Variants in GALNTL5 observed in about 807,000 individuals in gnomAD.
The protein encoded by GALNTL5 is polypeptide N-acetylgalactosaminyltransferase like 5.
GALNTL5 carries 44 observed loss-of-function variants against 51.0 expected under a neutral mutation model. That is an observed-to-expected ratio of 0.86 (90% CI 0.68 to 1.11). GALNTL5 has a LOEUF of 1.11. GALNTL5 is among the 50% of genes least tolerant of loss of function. GALNTL5 has a pLI of 0.00. For synonymous variants in GALNTL5, 192 were observed against 182.8 expected, an observed-to-expected ratio of 1.05 and a Z score of -0.41; for missense variants, 528 against 531.8, an observed-to-expected ratio of 0.99 and a Z score of 0.07.
chr7:151,965,754 G>A (rs2081051939), intron 1 of GALNTL5, among the ~76,000 whole-genome samples: 1 of 152,066 alleles, frequency 6.6e-6, no homozygotes, highest in Non-Finnish European at 1.5e-5. Flanking sequence ...ACGCGTGGTG[G>A]CATGTGCCTG....
intron 3 of GALNTL5, among the ~76,000 whole-genome samples, chr7:151,971,515 C>T (rs930304351): frequency 1.3e-5 from 2 of 152,018 alleles, no homozygotes; most frequent in Non-Finnish European, 2.9e-5. Context: ...TGATAAAATA[C>T]ACATAACATA....
At chr7:151,981,165 T>C (rs1006960481) in intron 3 of GALNTL5, among the ~76,000 whole-genome samples, 4 of 152,150 alleles carry the variant, frequency 2.6e-5, no homozygotes, top group African/African-American at 9.7e-5. Context: ...TTGGAAAAGG[T>C]AAAGTCCCAC....
chr7:151,980,737 A>ATTTTTTT (rs61288964), intron 3 of GALNTL5, among the ~76,000 whole-genome samples: 1 of 98,958 alleles, frequency 1.0e-5, no homozygotes, highest in Non-Finnish European at 1.8e-5. Flanking sequence ...GCTAACAATG[A>ATTTTTTT]TTTTTTTTTT....
At chr7:152,017,330 T>C (rs1339965841) in intron 8 of GALNTL5, among the ~76,000 whole-genome samples, 1 of 152,254 alleles carries the variant, frequency 6.6e-6, no homozygotes, top group East Asian at 1.9e-4. Flanking sequence ...TCTAAACATA[T>C]CTAAATAAAA....
At position 152,016,775 on chromosome 7, in the gene GALNTL5, T is replaced by G. The variant is rs564468792; in HGVS notation, c.1176+1982T>G. Among the ~76,000 whole-genome samples, 6 of 152,154 alleles carry G rather than the reference T, an allele frequency of 3.9e-5. No homozygotes were observed. In the South Asian group the frequency reaches 1.0e-3, roughly 26 times the overall value. On this transcript the variant is annotated intron_variant, in intron 8 of 8. Transcript: ENST00000392800. ...CTGGGCTGGGCATGGTGGCTCACACTTGTAATTTCAGCACTTAGGGAGGCC... is the reference window on the plus strand; with the variant it reads ...CTGGGCTGGGCATGGTGGCTCACACGTGTAATTTCAGCACTTAGGGAGGCC...
At chr7:151,958,436 G>A (rs2080951547) in intron 1 of GALNTL5, among the ~76,000 whole-genome samples, 1 of 152,200 alleles carries the variant, frequency 6.6e-6, no homozygotes, top group South Asian at 2.1e-4. Flanking sequence ...GCTCTCACCT[G>A]GGGAGTCCCA....
At chr7:151,969,832 A>AGTCT (rs1202392946) in intron 2 of GALNTL5, among the ~76,000 whole-genome samples, 1 of 152,158 alleles carries the variant, frequency 6.6e-6, no homozygotes, top group Non-Finnish European at 1.5e-5. Context: ...TTTGAGATGG[A>AGTCT]GTCTCGCTCT....
At chr7:152,019,406 C>T (rs1029415136) in intron 8 of GALNTL5, among the ~76,000 whole-genome samples, 1 of 152,176 alleles carries the variant, frequency 6.6e-6, no homozygotes, top group Non-Finnish European at 1.5e-5. Context: ...GAAGCAGGAC[C>T]CAGTCTTCCT....
At chr7:151,985,820 T>A (rs1019099088) in intron 4 of GALNTL5, 6 of 152,460 alleles carry the variant, frequency 3.9e-5, no homozygotes, top group African/African-American at 1.4e-4. Flanking sequence ...GTGAGTGAGG[T>A]GTCTGGAGAT....
chr7:151,981,631 T>C (rs2081291787), intron 3 of GALNTL5, among the ~76,000 whole-genome samples: 2 of 134,194 alleles, frequency 1.5e-5, no homozygotes, highest in South Asian at 2.7e-4. Flanking sequence ...CCTTCCTTCC[T>C]CCCTTTCTCT....
At chr7:151,966,245 G>A (rs2081057857) in intron 1 of GALNTL5, among the ~76,000 whole-genome samples, 4 of 151,138 alleles carry the variant, frequency 2.6e-5, no homozygotes, top group Admixed American at 2.6e-4. Flanking sequence ...GTTGCATCTA[G>A]TTTTCTTTTG....
In GALNTL5 at chr7:152,019,315, CG is replaced by C. The variant is rs141149020; in HGVS notation, c.1177-327del. Among the ~76,000 whole-genome samples, 1,285 of 152,260 alleles carry C rather than the reference CG, an allele frequency of 8.4e-3. 19 individuals are homozygous for C. Among genetic ancestry groups the C allele is most frequent in the African/African-American group, 0.03 (1,237 of 41,546 alleles). On this transcript the variant is annotated intron_variant, in intron 8 of 8. Coordinates refer to ENST00000392800, the MANE Select transcript of GALNTL5 (RefSeq NM_145292.4). ...CATACTGATGAGGACCAGGGACTAA[CG>C]GGGTTTGTCCTTGGGTATTGTTGAA...
chr7:151,987,067 A>G (rs1214838751), intron 4 of GALNTL5, 92 bp from the exon 5 acceptor site: 3 of 1,141,288 alleles, frequency 2.6e-6, no homozygotes, highest in Non-Finnish European at 3.6e-6. Context: ...GTGGAATAGC[A>G]TGGATTTTAG....
intron 5 of GALNTL5, among the ~76,000 whole-genome samples, chr7:151,998,598 C>T (rs1468447020): frequency 1.3e-5 from 2 of 151,952 alleles, no homozygotes; most frequent in African/African-American, 4.8e-5. Context: ...ACGGTGAAAC[C>T]CCATCTCCAC....
chr7:151,965,723 T>TAAC (rs1284863676), intron 1 of GALNTL5, among the ~76,000 whole-genome samples: 1 of 151,782 alleles, frequency 6.6e-6, no homozygotes, highest in East Asian at 1.9e-4. Context: ...TACAAAAAAA[T>TAAC]AATAATAATA....
At position 152,006,970 on chromosome 7, in the gene GALNTL5, G is replaced by A. The variant is rs375288778; in HGVS notation, c.909-857G>A. 3.9e-5 allele frequency among the ~76,000 whole-genome samples: 6 copies of A among 152,080 alleles called. No homozygotes were observed. In the East Asian group the frequency reaches 9.6e-4, roughly 24 times the overall value. On this transcript the variant is annotated intron_variant, in intron 6 of 8. Coordinates refer to ENST00000392800, the MANE Select transcript of GALNTL5 (RefSeq NM_145292.4). ...TTTCGTAGAGATGGGGTTTCACCAT[G>A]TTGGCCAGGCTGGTCTTGAACTCCT...
chr7:151,970,293 G>A (rs1487143259), intron 2 of GALNTL5, among the ~76,000 whole-genome samples: 1 of 152,154 alleles, frequency 6.6e-6, no homozygotes, highest in Non-Finnish European at 1.5e-5. Flanking sequence ...AAGCCACTTA[G>A]AATTGAAAAT....
intron 3 of GALNTL5, among the ~76,000 whole-genome samples, chr7:151,979,480 G>C (rs552895430): frequency 6.7e-6 from 1 of 150,286 alleles, no homozygotes; most frequent in African/African-American, 2.5e-5. Flanking sequence ...GGGGAGGGGG[G>C]CAGAGTTTTG....
chr7:151,999,938 G>A (rs2081550314), intron 5 of GALNTL5, among the ~76,000 whole-genome samples: 1 of 152,176 alleles, frequency 6.6e-6, no homozygotes, highest in Admixed American at 6.5e-5. Context: ...CAATGAGATG[G>A]CTCAGCCAGA....
Sources: allele counts gnomAD v4.1 joint callset (sites outside exome capture counted in the v4.1 genomes callset), GRCh38; gene constraint gnomAD v4.1.1; transcripts MANE v1.5; gene names NCBI Gene and HGNC (gene_info 2026-07-23, HGNC 2026-07-21).